The following FREM3 variants were observed in gnomAD, a reference collection of about 807,000 sequenced individuals.
FREM3 encodes the protein FRAS1 related extracellular matrix 3.
A neutral mutation model predicts 129.1 loss-of-function variants in FREM3; 105 were observed. That is an observed-to-expected ratio of 0.81 (90% CI 0.69 to 0.96). The LOEUF (loss-of-function observed/expected upper bound fraction) is 0.96. Among genes scored for constraint, FREM3 ranks in the 40% least tolerant of loss-of-function variants. FREM3 has a pLI of 0.00. For synonymous variants in FREM3, 1,014 were observed against 1,044.9 expected (o/e 0.97, Z 0.57); for missense variants, 2,593 against 2,666.3 (o/e 0.97, Z 0.61).
chr4:143,619,207 T>C (rs1738905889), intron 5 of FREM3, among the ~76,000 whole-genome samples: 2 of 152,254 alleles, frequency 1.3e-5, no homozygotes, highest in South Asian at 4.1e-4. Flanking sequence ...TGCATATGTG[T>C]CCTATGAATT....
At chr4:143,627,861 A>G (rs1739070177) in intron 2 of FREM3, 101 bp from the exon 3 acceptor site, 3 of 730,650 alleles carry the variant, frequency 4.1e-6, no homozygotes. Flanking sequence ...GGGTTTCAAA[A>G]CATACTCGTT....
chr4:143,639,424 G>A (rs978480614), intron 2 of FREM3, among the ~76,000 whole-genome samples: 28 of 152,028 alleles, frequency 1.8e-4, no homozygotes, highest in African/African-American at 5.8e-4. Context: ...CACTTACTTC[G>A]CAGGGCATCG....
intron 2 of FREM3, among the ~76,000 whole-genome samples, chr4:143,672,106 G>C (rs1190928408): frequency 6.6e-6 from 1 of 152,184 alleles, no homozygotes; most frequent in Non-Finnish European, 1.5e-5. Context: ...ACTCAGAGCA[G>C]CAGTGTATCT....
At chr4:143,631,329 GTATTTATTTATTTATT>G (rs112309816) in intron 2 of FREM3, among the ~76,000 whole-genome samples, 34 of 151,594 alleles carry the variant, frequency 2.2e-4, no homozygotes, top group African/African-American at 7.8e-4. Flanking sequence ...TTATAATGCT[GTATTTATTTATTTATT>G]TATTTATTTA....
chr4:143,663,396 A>G (rs1252437858), intron 2 of FREM3, among the ~76,000 whole-genome samples: 2 of 152,164 alleles, frequency 1.3e-5, no homozygotes, highest in Non-Finnish European at 2.9e-5. Context: ...TTCTTTAAGA[A>G]TGTTGAATAT....
At chr4:143,603,843 T>C (rs1477084746) in intron 6 of FREM3, among the ~76,000 whole-genome samples, 1 of 152,120 alleles carries the variant, frequency 6.6e-6, no homozygotes. Flanking sequence ...AATTCAACAG[T>C]GTATAGCCAA....
In FREM3 at chr4:143,577,816, T is replaced by A. The variant is rs1220020649; in HGVS notation, c.6215A>T (p.Asp2072Val). The change falls in exon 8 of 8, where the codon GAC becomes GTC. Residue 2072 changes from aspartate (D) to valine (V), a missense_variant. This residue lies in a region of FREM3 where 317 missense variants were observed against 399.0 expected (regional missense o/e 0.79). Transcript: ENST00000329798. ...TDYVGISRNL[D>V]FAPGVRMQTF... ...CTGCATGCGCACGCCTGGAGCAAAG[T>A]CCAGGTTTCGGCTGATACCAACATA... is the stretch of plus-strand genomic sequence containing the variant. The A allele has an allele frequency of 6.5e-7, 1 of 1,537,156 alleles. No individual in the cohort carries two copies. Among genetic ancestry groups the A allele is most frequent in the African/African-American group, 1.4e-5 (1 of 73,046 alleles).
intron 2 of FREM3, among the ~76,000 whole-genome samples, chr4:143,633,284 T>C (rs1478840836): frequency 6.6e-6 from 1 of 152,208 alleles, no homozygotes; most frequent in Non-Finnish European, 1.5e-5. Context: ...AATATATTTG[T>C]TTATTTAAAT....
chr4:143,661,684 C>A (rs1032744704), intron 2 of FREM3, among the ~76,000 whole-genome samples: 5 of 152,120 alleles, frequency 3.3e-5, no homozygotes, highest in Admixed American at 6.5e-5. Context: ...CTTCTTATAC[C>A]TCTGGTAGAA....
At chr4:143,583,047 AT>A (rs1300577416) in intron 7 of FREM3, among the ~76,000 whole-genome samples, 1 of 151,698 alleles carries the variant, frequency 6.6e-6, no homozygotes, top group African/African-American at 2.4e-5. Context: ...TGCCGGGCTA[AT>A]TTTTTTGTAT....
At chr4:143,687,253 T>C (rs906693340) in intron 2 of FREM3, among the ~76,000 whole-genome samples, 1 of 152,012 alleles carries the variant, frequency 6.6e-6, no homozygotes, top group African/African-American at 2.4e-5. Flanking sequence ...CTAGAAGAGA[T>C]GGATAAATTT....
intron 2 of FREM3, among the ~76,000 whole-genome samples, chr4:143,668,753 C>T (rs1578860896): frequency 2.0e-5 from 3 of 152,210 alleles, no homozygotes; most frequent in East Asian, 3.9e-4. Context: ...GCCAATTTCT[C>T]ATAAACACAG....
At chr4:143,583,056 T>C (rs951917566) in intron 7 of FREM3, among the ~76,000 whole-genome samples, 4 of 151,984 alleles carry the variant, frequency 2.6e-5, no homozygotes, top group African/African-American at 9.7e-5. Flanking sequence ...AATTTTTTTG[T>C]ATTTTTTGAA....
At chr4:143,677,830 C>T (rs1403255270) in intron 2 of FREM3, among the ~76,000 whole-genome samples, 3 of 152,128 alleles carry the variant, frequency 2.0e-5, no homozygotes, top group Non-Finnish European at 4.4e-5. Context: ...CAAATCAAAA[C>T]CACAGTGAGA....
chr4:143,628,290 A>T (rs1739079674), intron 2 of FREM3, among the ~76,000 whole-genome samples: 1 of 152,174 alleles, frequency 6.6e-6, no homozygotes, highest in Non-Finnish European at 1.5e-5. Flanking sequence ...ATGTTTAAAA[A>T]CTACCCATGA....
chr4:143,688,879 G>A (rs1740415758), intron 2 of FREM3, among the ~76,000 whole-genome samples: 2 of 152,120 alleles, frequency 1.3e-5, no homozygotes, highest in Non-Finnish European at 2.9e-5. Flanking sequence ...ACCAACTCAA[G>A]ATGGATTAAG....
intron 2 of FREM3, among the ~76,000 whole-genome samples, chr4:143,630,786 G>T (rs924033027): frequency 6.6e-6 from 1 of 152,158 alleles, no homozygotes; most frequent in Non-Finnish European, 1.5e-5. Flanking sequence ...AAAGAGGCTG[G>T]TAGGAATTGT....
At position 143,696,825 on chromosome 4, in the gene FREM3, A is replaced by G. The variant is rs370353245; in HGVS notation, c.3851T>C (p.Leu1284Pro). ...GTGGGTTGTGTGCTTGCCGTCACTC[A>G]GCCAGACCTCAAAACTGTCCTCTTT... ...ETKEDSFEVW[L>P]SDGKHTTHRK... is the part of the protein sequence containing the mutation. Residue 1284 changes from leucine (L) to proline (P), a missense_variant, in exon 1 of 8, where the codon CTG becomes CCG. Physicochemically the swap from Leu to Pro is moderately conservative, Grantham distance 98. Coordinates refer to ENST00000329798, the MANE Select transcript of FREM3 (RefSeq NM_001168235.2). The G allele has an allele frequency of 2.0e-5, 30 of 1,537,668 alleles. No homozygotes were observed. The highest frequency in any genetic ancestry group is 2.4e-5 in the Non-Finnish European group (28 of 1,147,038).
rs564230934 is a variant in FREM3 at position 143,676,059 on chromosome 4, G to C, written c.5275+17054C>G. 3.9e-5 allele frequency among the ~76,000 whole-genome samples: 6 copies of C among 152,314 alleles called. No homozygotes were observed. The East Asian group carries it at 1.2e-3, about 29-fold the overall frequency. The stretch of plus-strand genomic sequence containing the variant: ...CATTTTATGAAGCCAGCATTATCCT[G>C]ATACCAAAGTCTGGCAGAGACACAA... On this transcript the variant is annotated intron_variant, in intron 2 of 7. Coordinates refer to ENST00000329798, the MANE Select transcript of FREM3 (RefSeq NM_001168235.2).
Sources: gnomAD v4.1 joint callset for allele counts (sites outside exome capture counted in the v4.1 genomes callset) on GRCh38, gnomAD v4.1.1 for gene constraint, gnomAD v4.1.1 regional missense constraint, MANE v1.5 for transcripts, NCBI Gene and HGNC (gene_info 2026-07-23, HGNC 2026-07-21) for gene names.